The following PCDH7 variants were observed in gnomAD, a reference collection of about 807,000 sequenced individuals.
The protein encoded by PCDH7 is protocadherin-7.
A neutral mutation model predicts 58.9 loss-of-function variants in PCDH7; 17 were observed. That is an observed-to-expected ratio of 0.29 (90% CI 0.20 to 0.43). PCDH7 has a LOEUF of 0.43. PCDH7 is among the 20% of genes least tolerant of loss of function. The pLI is 1.00. For synonymous variants in PCDH7, 664 were observed against 616.4 expected (o/e 1.08, Z -1.14); for missense variants, 1,274 against 1,441.0 (o/e 0.88, Z 1.88).
chr4:30,930,996 A>G (rs61795875), intron 2 of PCDH7, among the ~76,000 whole-genome samples: 3,773 of 152,250 alleles, frequency 0.025, 72 homozygotes, highest in Admixed American at 0.039. Flanking sequence ...ACAAAATATG[A>G]CAGGATAAAT....
chr4:31,028,217 A>T (rs773638689), intron 3 of PCDH7, among the ~76,000 whole-genome samples: 13 of 152,218 alleles, frequency 8.5e-5, no homozygotes, highest in Non-Finnish European at 1.8e-4. Context: ...ATGCAGTGTT[A>T]TACACAGGAA....
At chr4:30,968,300 CTCTA>C (rs1346975889) in intron 3 of PCDH7, among the ~76,000 whole-genome samples, 1 of 90,134 alleles carries the variant, frequency 1.1e-5, no homozygotes, top group Non-Finnish European at 2.1e-5. Context: ...CTCTCTCTCT[CTCTA>C]TATATATATA....
At chr4:31,048,422 C>G (rs2109215983) in intron 3 of PCDH7, among the ~76,000 whole-genome samples, 1 of 152,210 alleles carries the variant, frequency 6.6e-6, no homozygotes, top group African/African-American at 2.4e-5. Flanking sequence ...AATATTGACA[C>G]TTTCTAATCC....
chr4:30,863,104 G>C (rs1164395290), intron 1 of PCDH7, among the ~76,000 whole-genome samples: 2 of 152,134 alleles, frequency 1.3e-5, no homozygotes, highest in Non-Finnish European at 2.9e-5. Context: ...ATTCGTATGT[G>C]TTCCGGGATC....
At chr4:31,077,648 G>A (rs573079253) in intron 3 of PCDH7, among the ~76,000 whole-genome samples, 2 of 152,218 alleles carry the variant, frequency 1.3e-5, no homozygotes, top group South Asian at 4.1e-4. Context: ...GGTATGGGAG[G>A]TGGATACTTG....
chr4:30,998,419 GT>G (rs1363051209), intron 3 of PCDH7, among the ~76,000 whole-genome samples: 1 of 152,106 alleles, frequency 6.6e-6, no homozygotes, highest in African/African-American at 2.4e-5. Context: ...CCCAGCTGGT[GT>G]TTTTTTGTAG....
chr4:30,758,155 G>T (rs1254608788), intron 1 of PCDH7, among the ~76,000 whole-genome samples: 1 of 152,172 alleles, frequency 6.6e-6, no homozygotes, highest in Non-Finnish European at 1.5e-5. Context: ...ATAAGAAGGT[G>T]ATGTTTGAGA....
intron 3 of PCDH7, among the ~76,000 whole-genome samples, chr4:31,128,935 G>A (rs1426230898): frequency 2.0e-5 from 3 of 152,136 alleles, no homozygotes; most frequent in Middle Eastern, 3.2e-3. Context: ...AAACAAAAAA[G>A]CAAAAGCCAC....
chr4:30,883,755 G>A (rs1313921143), intron 1 of PCDH7, among the ~76,000 whole-genome samples: 1 of 152,138 alleles, frequency 6.6e-6, no homozygotes, highest in Non-Finnish European at 1.5e-5. Context: ...GAACACTGAT[G>A]TAATGGAAAA....
chr4:30,766,680 A>G (rs1217199502), intron 1 of PCDH7, among the ~76,000 whole-genome samples: 1 of 151,874 alleles, frequency 6.6e-6, no homozygotes, highest in Non-Finnish European at 1.5e-5. Context: ...TATAGTGTGT[A>G]TATGTGTCAG....
downstream of PCDH7, among the ~76,000 whole-genome samples, chr4:30,733,709 G>A (rs1715847828): frequency 2.0e-5 from 3 of 152,072 alleles, no homozygotes; most frequent in Admixed American, 1.3e-4. Flanking sequence ...ACCAAGGTGA[G>A]GATACTGAAA....
intron 3 of PCDH7, among the ~76,000 whole-genome samples, chr4:31,020,007 G>A (rs1578577422): frequency 6.6e-6 from 1 of 152,198 alleles, no homozygotes; most frequent in Non-Finnish European, 1.5e-5. Context: ...GCTTGTTATT[G>A]AAACAGAAAT....
At chr4:31,085,373 C>A (rs192820212) in intron 3 of PCDH7, among the ~76,000 whole-genome samples, 15 of 152,192 alleles carry the variant, frequency 9.9e-5, no homozygotes, top group African/African-American at 3.6e-4. Context: ...TGTATGACTC[C>A]TAAGCCATAA....
intron 3 of PCDH7, among the ~76,000 whole-genome samples, chr4:30,961,304 GGAGGCC>G (rs1258970176): frequency 6.6e-6 from 1 of 151,794 alleles, no homozygotes; most frequent in African/African-American, 2.4e-5. Flanking sequence ...CAGCACTTTG[GGAGGCC>G]GAGGCGGGTG....
intron 3 of PCDH7, among the ~76,000 whole-genome samples, chr4:30,974,382 GT>G (rs141190824): frequency 4.7e-5 from 7 of 150,494 alleles, no homozygotes; most frequent in African/African-American, 9.8e-5. Flanking sequence ...ACCATGAAAG[GT>G]TTTTTTTTCT....
rs560791032 is a variant in PCDH7, at chr4:31,036,046, G to A, written c.*7+85831G>A. On this transcript the variant is annotated intron_variant, in intron 3 of 3. Transcript: ENST00000509759. ...AAACTTGAACAAAATCTTAGGAAGT[G>A]CTAAGATAGAAACTTTATAAGGTAT... is the stretch of plus-strand genomic sequence containing the variant. 5.3e-5 allele frequency among the ~76,000 whole-genome samples: 8 copies of A among 152,218 alleles called. No homozygotes were observed. In the South Asian group the frequency reaches 1.2e-3, roughly 24 times the overall value.
At chr4:31,041,068 C>T (rs1446915847) in intron 3 of PCDH7, among the ~76,000 whole-genome samples, 1 of 152,184 alleles carries the variant, frequency 6.6e-6, no homozygotes, top group African/African-American at 2.4e-5. Context: ...TAATCTCCAT[C>T]CTTAAAATTC....
chr4:30,905,454 A>G (rs1265414672), intron 1 of PCDH7, among the ~76,000 whole-genome samples: 2 of 99,706 alleles, frequency 2.0e-5, no homozygotes, highest in Non-Finnish European at 4.1e-5. Context: ...GATTATCACA[A>G]TGAGAAAATG....
chr4:30,925,291 A>C (rs1378279724), intron 2 of PCDH7, among the ~76,000 whole-genome samples: 1 of 152,296 alleles, frequency 6.6e-6, no homozygotes, highest in Non-Finnish European at 1.5e-5. Context: ...GACCAAAGGC[A>C]TATCTTTGTA....
Sources: gnomAD v4.1 joint callset for allele counts (sites outside exome capture counted in the v4.1 genomes callset) on GRCh38, gnomAD v4.1.1 for gene constraint, MANE v1.5 for transcripts, NCBI Gene and HGNC (gene_info 2026-07-23, HGNC 2026-07-21) for gene names.